The following ATP6V1H variants were observed in gnomAD, a reference collection of about 807,000 sequenced individuals.
ATP6V1H encodes ATPase H+ transporting V1 subunit H, also known as V-type proton ATPase subunit H.
A neutral mutation model predicts 71.7 loss-of-function variants in ATP6V1H; 39 were observed. The observed-to-expected ratio is 0.54, with a 90% CI of 0.42 to 0.71. The LOEUF (loss-of-function observed/expected upper bound fraction) is 0.71. Among genes scored for constraint, ATP6V1H ranks in the 30% least tolerant of loss-of-function variants. The probability of loss-of-function intolerance (pLI) is 0.00; values close to 1 mark genes in which losing one functional copy is unlikely to be tolerated. For missense variants in ATP6V1H, 509 were observed against 594.9 expected (o/e 0.86, Z 1.50); for synonymous variants, 192 against 199.3 (o/e 0.96, Z 0.31).
chr8:53,729,912 C>T (rs146228595), intron 13 of ATP6V1H, among the ~76,000 whole-genome samples: 11 of 152,174 alleles, frequency 7.2e-5, no homozygotes, highest in South Asian at 6.2e-4. Flanking sequence ...AATGAACAGG[C>T]CAGGCAGGAA....
intron 1 of ATP6V1H, among the ~76,000 whole-genome samples, chr8:53,842,316 T>C (rs1811366137): frequency 6.6e-6 from 1 of 152,236 alleles, no homozygotes; most frequent in Non-Finnish European, 1.5e-5. Flanking sequence ...AAATACATAT[T>C]ACAATTTAGG....
At chr8:53,743,949 G>C (rs923346821) in intron 12 of ATP6V1H, among the ~76,000 whole-genome samples, 5 of 152,070 alleles carry the variant, frequency 3.3e-5, no homozygotes, top group Non-Finnish European at 7.3e-5. Flanking sequence ...GATCTGCCTA[G>C]ATACCACCCA....
At chr8:53,778,187 T>G (rs1808961841) in intron 9 of ATP6V1H, among the ~76,000 whole-genome samples, 1 of 152,166 alleles carries the variant, frequency 6.6e-6, no homozygotes, top group Non-Finnish European at 1.5e-5. Flanking sequence ...AATGTTATGA[T>G]AGTTTTTAAA....
At chr8:53,756,482 A>T in intron 12 of ATP6V1H, 73 bp downstream of exon 12, 2 of 1,105,932 alleles carry the variant, frequency 1.8e-6, no homozygotes, top group Non-Finnish European at 2.7e-6. Context: ...ACTCCATTTT[A>T]GATAAGTACA....
chr8:53,821,095 G>C (rs1360854344), intron 4 of ATP6V1H, among the ~76,000 whole-genome samples: 1 of 151,486 alleles, frequency 6.6e-6, no homozygotes, highest in African/African-American at 2.4e-5. Flanking sequence ...GAGAGGCCAG[G>C]TGCAGTAGCT....
At chr8:53,794,073 C>T (rs1271823649) in intron 9 of ATP6V1H, among the ~76,000 whole-genome samples, 1 of 151,818 alleles carries the variant, frequency 6.6e-6, no homozygotes, top group Non-Finnish European at 1.5e-5. Context: ...ACATGGCCAT[C>T]AATAGAGCAC....
At chr8:53,720,360 G>C (rs1049477363) in intron 13 of ATP6V1H, among the ~76,000 whole-genome samples, 2 of 152,136 alleles carry the variant, frequency 1.3e-5, no homozygotes, top group Non-Finnish European at 2.9e-5. Context: ...TGCTGCAAAA[G>C]AGTTTACATC....
chr8:53,836,382 T>C (rs1228316947), intron 2 of ATP6V1H, among the ~76,000 whole-genome samples: 1 of 152,184 alleles, frequency 6.6e-6, no homozygotes, highest in Non-Finnish European at 1.5e-5. Context: ...AAATAACTGT[T>C]TCTTATTTGT....
intron 13 of ATP6V1H, among the ~76,000 whole-genome samples, chr8:53,736,837 T>A (rs2130155577): frequency 6.6e-6 from 1 of 152,256 alleles, no homozygotes; most frequent in East Asian, 1.9e-4. Context: ...AAGTAAAAGT[T>A]AAAGAAAGGC....
chr8:53,806,161 G>A (rs747198977), intron 7 of ATP6V1H, among the ~76,000 whole-genome samples: 20 of 152,144 alleles, frequency 1.3e-4, no homozygotes, highest in Admixed American at 2.6e-4. Flanking sequence ...AGAATCAGAA[G>A]TTTTGTCACA....
chr8:53,724,435 GCCTA>G (rs1355174368), intron 13 of ATP6V1H, among the ~76,000 whole-genome samples: 1 of 151,804 alleles, frequency 6.6e-6, no homozygotes, highest in Non-Finnish European at 1.5e-5. Context: ...ATGCCACATA[GCCTA>G]TCAGAGGAAA....
intron 9 of ATP6V1H, among the ~76,000 whole-genome samples, chr8:53,781,363 C>T (rs1809121717): frequency 6.7e-6 from 1 of 150,278 alleles, no homozygotes; most frequent in South Asian, 2.1e-4. Context: ...CTGTTCATAT[C>T]CTTTGCCCAC....
At chr8:53,768,967 A>G (rs965240660) in intron 11 of ATP6V1H, among the ~76,000 whole-genome samples, 1 of 152,198 alleles carries the variant, frequency 6.6e-6, no homozygotes, top group Non-Finnish European at 1.5e-5. Flanking sequence ...TACACATATT[A>G]GTCATCTTAT....
Position 53,808,028 on chromosome 8 carries a change from T to C in ATP6V1H, c.579+3136A>G, listed in dbSNP as rs1039659710. Reference sequence around the variant, plus strand: ...CAAGATGAAACAAGCAAGAAGGACCTGGCAACTTAAGTCACTACTAGTGAC... The same window carrying C: ...CAAGATGAAACAAGCAAGAAGGACCCGGCAACTTAAGTCACTACTAGTGAC... On this transcript the variant is annotated intron_variant, in intron 7 of 13. Transcript: ENST00000359530. 6.6e-5 allele frequency among the ~76,000 whole-genome samples: 10 copies of C among 152,200 alleles called. No individual in the cohort carries two copies. The East Asian group carries it at 1.2e-3, about 18-fold the overall frequency.
chr8:53,773,125 A>G (rs1808735709), intron 9 of ATP6V1H, among the ~76,000 whole-genome samples: 1 of 152,058 alleles, frequency 6.6e-6, no homozygotes, highest in Non-Finnish European at 1.5e-5. Context: ...AGTTTGCCTT[A>G]TTTTTCTTTC....
chr8:53,827,105 G>A (rs1810847458), intron 4 of ATP6V1H, among the ~76,000 whole-genome samples: 1 of 150,344 alleles, frequency 6.7e-6, no homozygotes, highest in South Asian at 2.1e-4. Context: ...ATGCAGGCTG[G>A]GCATGGTGGC....
chr8:53,821,119 C>G (rs1197244124), intron 4 of ATP6V1H, among the ~76,000 whole-genome samples: 1 of 150,566 alleles, frequency 6.6e-6, no homozygotes, highest in Non-Finnish European at 1.5e-5. Flanking sequence ...GCCTGTAATT[C>G]CAGCACTTTG....
intron 9 of ATP6V1H, among the ~76,000 whole-genome samples, chr8:53,776,202 C>T (rs1224071301): frequency 6.6e-6 from 1 of 152,188 alleles, no homozygotes; most frequent in Non-Finnish European, 1.5e-5. Flanking sequence ...GTTTGGGGCC[C>T]GCCAAGCCCA....
chr8:53,776,806 G>GA (rs1215036394), intron 9 of ATP6V1H, among the ~76,000 whole-genome samples: 2 of 151,736 alleles, frequency 1.3e-5, no homozygotes, highest in South Asian at 2.1e-4. Flanking sequence ...TATGACCAAA[G>GA]AAAAAAACGG....
Sources: allele counts gnomAD v4.1 joint callset (sites outside exome capture counted in the v4.1 genomes callset), GRCh38; gene constraint gnomAD v4.1.1; transcripts MANE v1.5; gene names NCBI Gene and HGNC (gene_info 2026-07-23, HGNC 2026-07-21).